Variants in SPIDR observed in about 807,000 individuals in gnomAD.
SPIDR encodes the protein scaffold protein involved in DNA repair.
Under a neutral mutation model 104.6 loss-of-function variants are expected in SPIDR, and 93 were observed. That is an observed-to-expected ratio of 0.89 (90% confidence interval 0.75 to 1.06). The LOEUF is 1.06. Among genes scored for constraint, SPIDR ranks in the 50% least tolerant of loss-of-function variants. SPIDR has a pLI of 0.00. For synonymous variants in SPIDR, 431 were observed against 416.9 expected (o/e 1.03, Z -0.41); for missense variants, 1,154 against 1,111.2 (o/e 1.04, Z -0.55).
chr8:47,735,028 CA>C (rs1421148810), intron 19 of SPIDR, among the ~76,000 whole-genome samples: 1 of 152,042 alleles, frequency 6.6e-6, no homozygotes, highest in Non-Finnish European at 1.5e-5. Flanking sequence ...CATCGTGTCC[CA>C]AGTAAAAACA....
chr8:47,360,071 T>C (rs1554628851), intron 5 of SPIDR, among the ~76,000 whole-genome samples: 1 of 151,642 alleles, frequency 6.6e-6, no homozygotes, highest in African/African-American at 2.4e-5. Flanking sequence ...TGAAAGCCCA[T>C]CTCTACTAAA....
chr8:47,290,927 A>T (rs2039805022), intron 3 of SPIDR, 106 bp from the exon 4 acceptor site: 8 of 681,188 alleles, frequency 1.2e-5, no homozygotes, highest in Non-Finnish European at 1.7e-5. Context: ...CCTATCACAG[A>T]GTTTTGTGTA....
intron 8 of SPIDR, among the ~76,000 whole-genome samples, chr8:47,461,720 G>A (rs782115808): frequency 2.0e-5 from 3 of 152,128 alleles, no homozygotes; most frequent in Middle Eastern, 6.8e-3. Context: ...TTATTGCTGA[G>A]ACTTCCCAGA....
chr8:47,378,186 T>C (rs560583278), intron 5 of SPIDR, among the ~76,000 whole-genome samples: 1 of 152,370 alleles, frequency 6.6e-6, no homozygotes, highest in African/African-American at 2.4e-5. Flanking sequence ...GTTCATGTTC[T>C]TGCATGAATA....
chr8:47,369,218 G>T (rs2057670717), intron 5 of SPIDR, among the ~76,000 whole-genome samples: 1 of 152,162 alleles, frequency 6.6e-6, no homozygotes, highest in African/African-American at 2.4e-5. Context: ...TCATTATCAG[G>T]TATTTTTTCA....
intron 5 of SPIDR, among the ~76,000 whole-genome samples, chr8:47,382,669 C>T (rs1025928886): frequency 1.3e-5 from 2 of 152,156 alleles, no homozygotes; most frequent in Non-Finnish European, 2.9e-5. Flanking sequence ...CCTCGGCCTC[C>T]CAAAGTGCTG....
At chr8:47,370,064 G>A (rs1439088911) in intron 5 of SPIDR, among the ~76,000 whole-genome samples, 1 of 150,778 alleles carries the variant, frequency 6.6e-6, no homozygotes, top group Non-Finnish European at 1.5e-5. Flanking sequence ...TTTCTTTTCA[G>A]GACCTGGCTT....
intron 8 of SPIDR, among the ~76,000 whole-genome samples, chr8:47,464,793 G>C (rs1554716008): frequency 6.6e-6 from 1 of 151,470 alleles, no homozygotes; most frequent in African/African-American, 2.4e-5. Context: ...ATCTTGCTCT[G>C]TTGCTCTCTC....
At chr8:47,496,842 T>TTGTC (rs1256032083) in intron 8 of SPIDR, among the ~76,000 whole-genome samples, 1 of 151,026 alleles carries the variant, frequency 6.6e-6, no homozygotes, top group African/African-American at 2.5e-5. Context: ...GTTTGTTTGT[T>TTGTC]TGTCAGAAGT....
At chr8:47,303,652 A>T (rs1563543076) in intron 5 of SPIDR, among the ~76,000 whole-genome samples, 1 of 152,186 alleles carries the variant, frequency 6.6e-6, no homozygotes, top group Non-Finnish European at 1.5e-5. Context: ...AACGTGGTGT[A>T]TCACATTTAT....
chr8:47,719,399 C>G (rs575232149), intron 16 of SPIDR, among the ~76,000 whole-genome samples: 1 of 152,204 alleles, frequency 6.6e-6, no homozygotes, highest in Non-Finnish European at 1.5e-5. Context: ...GTCCCAGCTA[C>G]TCGGGAGGCT....
rs147048857 is a variant in SPIDR, at chr8:47,713,843, A to C, written c.2341+202A>C. 2.6e-5 allele frequency among the ~76,000 whole-genome samples: 4 copies of C among 152,332 alleles called. No homozygotes were observed. The East Asian group carries it at 7.7e-4, about 29-fold the overall frequency. On this transcript the variant is annotated intron_variant, in intron 16 of 19. Transcript: ENST00000297423. ...AGATGTGAATCAGACGAACACAGAC[A>C]GGCCTATCCTCAGGCTCTGAGTGCT...
At chr8:47,492,523 A>G (rs1339632132) in intron 8 of SPIDR, among the ~76,000 whole-genome samples, 2 of 152,216 alleles carry the variant, frequency 1.3e-5, no homozygotes, top group African/African-American at 2.4e-5. Flanking sequence ...GTGCCTTGTC[A>G]TAGACTTCCT....
intron 5 of SPIDR, among the ~76,000 whole-genome samples, chr8:47,379,072 G>A (rs2059016992): frequency 6.6e-6 from 1 of 152,138 alleles, no homozygotes; most frequent in Admixed American, 6.5e-5. Flanking sequence ...AGAAAAGGCT[G>A]TTAGGGCAGT....
chr8:47,405,549 T>C (rs1169617777), intron 6 of SPIDR, among the ~76,000 whole-genome samples: 2 of 152,192 alleles, frequency 1.3e-5, no homozygotes, highest in Non-Finnish European at 2.9e-5. Flanking sequence ...TACTTCTCCA[T>C]ATTGTTTTTA....
intron 11 of SPIDR, among the ~76,000 whole-genome samples, chr8:47,691,223 G>A (rs1254943216): frequency 1.3e-5 from 2 of 150,764 alleles, no homozygotes; most frequent in South Asian, 2.1e-4. Context: ...CCTAGGAGGC[G>A]GAGGTTGTGG....
chr8:47,400,111 A>G (rs1400172369), intron 6 of SPIDR, among the ~76,000 whole-genome samples: 1 of 152,112 alleles, frequency 6.6e-6, no homozygotes, highest in African/African-American at 2.4e-5. Flanking sequence ...GCTGAGTTGG[A>G]GCTGGAACGT....
rs1554668506 is a variant in SPIDR, at chr8:47,407,977, G to T, written c.877+16G>T. ...ACACTTTCAGGTAAGGCTTGTGCAG[G>T]AATCTGAGACAATGTGTAAAAAAAT... On this transcript the variant is annotated intron_variant, in intron 7 of 19. Transcript: ENST00000297423. The T allele has an allele frequency of 1.4e-6, 2 of 1,435,652 alleles. No individual in the cohort carries two copies. The highest frequency in any genetic ancestry group is 2.6e-5 in the South Asian group (2 of 76,436). The allele number at this position is 1,435,652 out of a possible 1,614,324, so 88.9% of individuals were successfully genotyped here. A position where few individuals can be genotyped will look rare whatever the true frequency, so the allele number is the denominator to read the frequency against.
At chr8:47,523,159 C>T (rs2084433751) in intron 8 of SPIDR, among the ~76,000 whole-genome samples, 1 of 152,028 alleles carries the variant, frequency 6.6e-6, no homozygotes, top group African/African-American at 2.4e-5. Flanking sequence ...CCATGCATGG[C>T]TTTTCTTTTT....
Sources: allele counts gnomAD v4.1 joint callset (sites outside exome capture counted in the v4.1 genomes callset), GRCh38; gene constraint gnomAD v4.1.1; transcripts MANE v1.5; gene names NCBI Gene and HGNC (gene_info 2026-07-23, HGNC 2026-07-21).